Variants in SGCD observed in about 807,000 individuals in gnomAD.
SGCD encodes the protein delta-sarcoglycan.
In SGCD, 18 loss-of-function variants were observed where a neutral mutation model predicts 36.6. That is an observed-to-expected ratio of 0.49 (90% CI 0.34 to 0.73). SGCD has a LOEUF of 0.73. Among genes scored for constraint, SGCD ranks in the 30% least tolerant of loss-of-function variants. The probability of loss-of-function intolerance (pLI) is 0.01; values close to 1 mark genes in which losing one functional copy is unlikely to be tolerated. For missense variants in SGCD, 387 were observed against 346.7 expected, an observed-to-expected ratio of 1.12 and a Z score of -0.92; for synonymous variants, 133 against 130.6, an observed-to-expected ratio of 1.02 and a Z score of -0.12.
intron 6 of SGCD, among the ~76,000 whole-genome samples, chr5:156,638,136 T>A (rs1024511492): frequency 5.9e-5 from 9 of 152,096 alleles, no homozygotes; most frequent in African/African-American, 1.9e-4. Context: ...TTTTTTTTTT[T>A]TTATTTTACA....
chr5:156,047,474 T>C (rs1223151043), intron 1 of SGCD, among the ~76,000 whole-genome samples: 3 of 152,146 alleles, frequency 2.0e-5, no homozygotes, highest in African/African-American at 7.2e-5. Flanking sequence ...GGTGACTAAG[T>C]TGAAGCCAAT....
At chr5:155,993,130 C>T (rs1758468803) in intron 1 of SGCD, among the ~76,000 whole-genome samples, 1 of 152,092 alleles carries the variant, frequency 6.6e-6, no homozygotes, top group Non-Finnish European at 1.5e-5. Context: ...CCCTTGGAAA[C>T]CACAATAAAG....
intron 1 of SGCD, among the ~76,000 whole-genome samples, chr5:155,987,615 G>A (rs1338509009): frequency 1.3e-5 from 2 of 152,116 alleles, no homozygotes; most frequent in Admixed American, 6.5e-5. Context: ...GGTCCTTCAC[G>A]ATCTGGCCTT....
intron 3 of SGCD, among the ~76,000 whole-genome samples, chr5:156,247,029 T>A (rs577876649): frequency 1.9e-4 from 29 of 152,372 alleles, no homozygotes; most frequent in African/African-American, 6.5e-4. Flanking sequence ...ATGGGCCTCT[T>A]TTCATTTGCA....
At chr5:155,748,262 A>C in the SGCD span, among the ~76,000 whole-genome samples, 1 of 151,938 alleles carries the variant, frequency 6.6e-6, no homozygotes, top group African/African-American at 2.4e-5. Flanking sequence ...CTCCTCCTAA[A>C]TTCTTAAAGA....
chr5:156,271,858 A>G (rs988313349), intron 3 of SGCD, among the ~76,000 whole-genome samples: 1 of 152,170 alleles, frequency 6.6e-6, no homozygotes, highest in Admixed American at 6.6e-5. Context: ...CCCAGACAGA[A>G]CACCAACATT....
At chr5:155,947,013 A>G (rs367817330) in intron 1 of SGCD, among the ~76,000 whole-genome samples, 37 of 152,250 alleles carry the variant, frequency 2.4e-4, no homozygotes, top group African/African-American at 8.9e-4. Context: ...TGGGCCAGGA[A>G]CCCAGGTTTC....
chr5:156,117,804 CA>C (rs1761940935), intron 1 of SGCD: 1 of 152,078 alleles, frequency 6.6e-6, no homozygotes, highest in Non-Finnish European at 1.5e-5. Context: ...GATATCAAAA[CA>C]AAATAATATC....
chr5:156,413,457 A>T (rs1336894492), intron 3 of SGCD, among the ~76,000 whole-genome samples: 1 of 152,210 alleles, frequency 6.6e-6, no homozygotes, highest in African/African-American at 2.4e-5. Context: ...CAAATGCAGG[A>T]TGAATGGTCA....
chr5:155,772,046 T>C, the SGCD span, among the ~76,000 whole-genome samples: 3 of 152,156 alleles, frequency 2.0e-5, no homozygotes, highest in Non-Finnish European at 2.9e-5. Context: ...AGAAACCAAA[T>C]TCAAAGTGGA....
intron 1 of SGCD, among the ~76,000 whole-genome samples, chr5:156,034,821 C>T (rs1435884968): frequency 6.6e-6 from 1 of 152,200 alleles, no homozygotes; most frequent in Non-Finnish European, 1.5e-5. Context: ...GTGCCTCATG[C>T]ATAGTAAGCA....
chr5:156,148,902 A>G (rs113685185), intron 3 of SGCD, among the ~76,000 whole-genome samples: 5,951 of 152,232 alleles, frequency 0.039, 416 homozygotes, highest in African/African-American at 0.13. Flanking sequence ...GGTACAAGGT[A>G]TATCCGCAAG....
chr5:156,122,423 A>G (rs1164280292), intron 2 of SGCD, among the ~76,000 whole-genome samples: 2 of 152,156 alleles, frequency 1.3e-5, no homozygotes, highest in South Asian at 4.1e-4. Flanking sequence ...GTATGAGTTT[A>G]CAATTTTAAA....
chr5:156,175,363 A>G (rs1457104606), intron 3 of SGCD, among the ~76,000 whole-genome samples: 2 of 152,092 alleles, frequency 1.3e-5, no homozygotes, highest in Non-Finnish European at 2.9e-5. Flanking sequence ...TAGTGGAAAA[A>G]ATTTACAAAT....
At chr5:156,306,333 G>T (rs901921650) in intron 3 of SGCD, among the ~76,000 whole-genome samples, 1 of 152,126 alleles carries the variant, frequency 6.6e-6, no homozygotes, top group Non-Finnish European at 1.5e-5. Context: ...ATAAGGGGGG[G>T]TTTCCCTGCA....
chr5:156,053,089 G>A (rs1759964661), intron 1 of SGCD, among the ~76,000 whole-genome samples: 1 of 146,564 alleles, frequency 6.8e-6, no homozygotes, highest in Admixed American at 6.8e-5. Context: ...GAATTAGGGT[G>A]GGCAAAAGGC....
At chr5:156,294,522 A>T (rs780554372) in intron 3 of SGCD, among the ~76,000 whole-genome samples, 9 of 152,140 alleles carry the variant, frequency 5.9e-5, no homozygotes, top group Non-Finnish European at 1.2e-4. Flanking sequence ...GTTCCACGTG[A>T]AATAGAAGTG....
the SGCD span, among the ~76,000 whole-genome samples, chr5:155,850,211 G>A: frequency 1.2e-4 from 19 of 152,120 alleles, no homozygotes; most frequent in Admixed American, 1.0e-3. Flanking sequence ...CTAGGAATTG[G>A]TTTACTCTTT....
At chr5:156,039,304 A>G (rs1355466060) in intron 1 of SGCD, among the ~76,000 whole-genome samples, 1 of 151,922 alleles carries the variant, frequency 6.6e-6, no homozygotes, top group Non-Finnish European at 1.5e-5. Context: ...GACAATATTG[A>G]TTTTCAATTT....
Sources: allele counts gnomAD v4.1 joint callset (sites outside exome capture counted in the v4.1 genomes callset), GRCh38; gene constraint gnomAD v4.1.1; transcripts MANE v1.5; gene names NCBI Gene and HGNC (gene_info 2026-07-23, HGNC 2026-07-21).